Variants in MAP4 observed in about 807,000 individuals in gnomAD.
The protein encoded by MAP4 is microtubule associated protein 4.
In MAP4, 76 loss-of-function variants were observed where a neutral mutation model predicts 170.2. The ratio of observed to expected loss-of-function variants is 0.45; its 90% CI spans 0.37 to 0.54. MAP4 has a LOEUF of 0.54. MAP4 is among the 20% of genes least tolerant of loss of function. The pLI is 0.00. For missense variants in MAP4, 2,506 were observed against 2,748.0 expected, an observed-to-expected ratio of 0.91 and a Z score of 1.97; for synonymous variants, 909 against 994.5, an observed-to-expected ratio of 0.91 and a Z score of 1.62.
At chr3:48,067,915 C>T (rs1487954915) in intron 1 of MAP4, among the ~76,000 whole-genome samples, 1 of 152,110 alleles carries the variant, frequency 6.6e-6, no homozygotes, top group Non-Finnish European at 1.5e-5. Flanking sequence ...GCTGGGATTA[C>T]AGGCGTGAGC....
At chr3:47,967,922 T>C (rs1043432611) in intron 3 of MAP4, among the ~76,000 whole-genome samples, 3 of 152,098 alleles carry the variant, frequency 2.0e-5, no homozygotes, top group Non-Finnish European at 4.4e-5. Flanking sequence ...ACCACTGCAC[T>C]CCAGCCTGGG....
intron 1 of MAP4, among the ~76,000 whole-genome samples, chr3:48,082,386 G>A (rs2100147051): frequency 3.3e-5 from 5 of 152,162 alleles, no homozygotes; most frequent in Admixed American, 2.6e-4. Context: ...TCAGGGGTTG[G>A]AGCTTAATTC....
intron 1 of MAP4, among the ~76,000 whole-genome samples, chr3:48,007,967 A>C (rs1213736211): frequency 6.6e-6 from 1 of 152,064 alleles, no homozygotes; most frequent in Non-Finnish European, 1.5e-5. Flanking sequence ...TCCTTTTGAG[A>C]GTCAGCTCTT....
intron 10 of MAP4, among the ~76,000 whole-genome samples, chr3:47,895,021 CAAAA>C (rs11401319): frequency 9.7e-6 from 1 of 102,800 alleles, no homozygotes; most frequent in Non-Finnish European, 2.3e-5. Flanking sequence ...AAACCCTGTC[CAAAA>C]AAAAAAAAAA....
At chr3:47,941,458 A>T (rs529248493) in intron 3 of MAP4, among the ~76,000 whole-genome samples, 17 of 151,984 alleles carry the variant, frequency 1.1e-4, no homozygotes, top group Non-Finnish European at 2.5e-4. Context: ...GTGTTCTATT[A>T]AGACAGACAT....
intron 1 of MAP4, among the ~76,000 whole-genome samples, chr3:48,037,944 A>C (rs2100119567): frequency 6.6e-6 from 1 of 152,108 alleles, no homozygotes; most frequent in Non-Finnish European, 1.5e-5. Context: ...AGGTGGGTGG[A>C]TCACCTGAGG....
intron 1 of MAP4, among the ~76,000 whole-genome samples, chr3:48,077,523 C>A (rs2100144572): frequency 6.7e-6 from 1 of 148,634 alleles, no homozygotes; most frequent in South Asian, 2.1e-4. Context: ...TTTATAGAGA[C>A]AGGGTCTCAC....
intron 1 of MAP4, among the ~76,000 whole-genome samples, chr3:48,011,108 G>A (rs1282552106): frequency 6.6e-6 from 1 of 152,192 alleles, no homozygotes; most frequent in Non-Finnish European, 1.5e-5. Context: ...GCATGACAGA[G>A]CTGTTGTCCA....
chr3:47,952,280 C>A (rs1232055526), intron 3 of MAP4, among the ~76,000 whole-genome samples: 1 of 150,418 alleles, frequency 6.6e-6, no homozygotes, highest in Non-Finnish European at 1.5e-5. Context: ...CCCCCCCGCC[C>A]GGCCAGCCGC....
intron 17 of MAP4, among the ~76,000 whole-genome samples, chr3:47,866,109 C>T (rs779747201): frequency 1.3e-5 from 2 of 151,874 alleles, no homozygotes; most frequent in African/African-American, 4.8e-5. Context: ...GAGGCCAAGG[C>T]GGGCAGATCA....
chr3:47,910,033 T>A lies in MAP4; in HGVS notation c.4388A>T (p.Lys1463Ile), dbSNP rs371227427. The A allele has an allele frequency of 1.3e-5, 21 of 1,614,026 alleles. No individual in the cohort carries two copies. The highest frequency in any genetic ancestry group is 1.8e-5 in the Non-Finnish European group (21 of 1,179,892). The change falls in exon 9 of 21, where the codon AAA (lysine) becomes ATA (isoleucine). Residue 1463 changes from lysine (K) to isoleucine (I), a missense_variant. Lys to Ile is a moderately radical substitution (Grantham distance 102). Coordinates refer to ENST00000683076, the MANE Select transcript of MAP4 (RefSeq NM_001385682.1). Reference sequence around the variant, plus strand: ...GGCTGGGGCTATCTCTTGCCCATTTTTTGCCAAGGTATCTGGAAAGGAATC... The same window carrying A: ...GGCTGGGGCTATCTCTTGCCCATTTATTGCCAAGGTATCTGGAAAGGAATC... ...EGDSFPDTLA[K>I]NGQEIAPAQI...
intron 1 of MAP4, among the ~76,000 whole-genome samples, chr3:47,999,704 G>C (rs2100098106): frequency 6.6e-6 from 1 of 152,130 alleles, no homozygotes; most frequent in African/African-American, 2.4e-5. Context: ...GGAGGGTGGA[G>C]GGTGGGAGGA....
intron 1 of MAP4, among the ~76,000 whole-genome samples, chr3:48,007,674 TC>T (rs1245368752): frequency 2.1e-5 from 2 of 94,314 alleles, no homozygotes; most frequent in East Asian, 3.3e-4. Context: ...ATAACTACTC[TC>T]CTTTTTTTTT....
intron 1 of MAP4, among the ~76,000 whole-genome samples, chr3:48,051,249 C>A (rs1196157933): frequency 6.6e-6 from 1 of 151,982 alleles, no homozygotes; most frequent in Non-Finnish European, 1.5e-5. Flanking sequence ...CCCGTCTCTA[C>A]TAAAAATACA....
intron 1 of MAP4, among the ~76,000 whole-genome samples, chr3:48,032,305 G>A (rs533072212): frequency 1.3e-5 from 2 of 152,058 alleles, no homozygotes; most frequent in Non-Finnish European, 2.9e-5. Context: ...GAGCGGCCTG[G>A]CCAACATGGT....
At chr3:47,915,050 G>T in intron 7 of MAP4, 111 bp from the exon 8 acceptor site, 1 of 1,286,906 alleles carries the variant, frequency 7.8e-7, no homozygotes, top group Non-Finnish European at 1.1e-6. Flanking sequence ...CTCCTACAAG[G>T]GGCAGCAAAG....
rs35456237 is a variant in MAP4, at chr3:47,931,656, A to ATT, written c.293-3308_293-3307dup. On this transcript the variant is annotated intron_variant, in intron 3 of 20. Coordinates refer to ENST00000683076, the MANE Select transcript of MAP4 (RefSeq NM_001385682.1). ...ACCACACCTGCCTAATTTAAACAAA[A>ATT]TTTTTTTTTTTTTTTTTTTGTAGAG... is the stretch of plus-strand genomic sequence containing the variant. Among the ~76,000 whole-genome samples the ATT allele has an allele frequency of 3.1e-3, 405 of 131,392 alleles. 4 individuals are homozygous for ATT. Among genetic ancestry groups the ATT allele is most frequent in the African/African-American group, 4.4e-3 (158 of 35,652 alleles). 86.2% of individuals were successfully genotyped at this position (131,392 alleles called of 152,430 possible). A position where few individuals can be genotyped will look rare whatever the true frequency, so the allele number is the denominator to read the frequency against.
intron 1 of MAP4, among the ~76,000 whole-genome samples, chr3:48,082,507 A>T (rs1485933701): frequency 3.9e-5 from 6 of 152,218 alleles, no homozygotes; most frequent in African/African-American, 1.4e-4. Context: ...ACTTTAATCA[A>T]GTTATCAAAG....
At chr3:47,961,863 C>T (rs988998253) in intron 3 of MAP4, among the ~76,000 whole-genome samples, 3 of 152,180 alleles carry the variant, frequency 2.0e-5, no homozygotes, top group African/African-American at 7.2e-5. Flanking sequence ...TGCCGCAGCA[C>T]CCCCAAGTAC....
Sources: allele counts gnomAD v4.1 joint callset (sites outside exome capture counted in the v4.1 genomes callset), GRCh38; gene constraint gnomAD v4.1.1; transcripts MANE v1.5; gene names NCBI Gene and HGNC (gene_info 2026-07-23, HGNC 2026-07-21).